The following UPF1 variants were observed in gnomAD, a reference collection of about 807,000 sequenced individuals.
The protein encoded by UPF1 is UPF1 RNA helicase and ATPase.
Under a neutral mutation model 129.2 loss-of-function variants are expected in UPF1, and 9 were observed. The ratio of observed to expected loss-of-function variants is 0.07; its 90% CI spans 0.04 to 0.12. The LOEUF (loss-of-function observed/expected upper bound fraction) is 0.12. Ranked by LOEUF, UPF1 falls within the 10% of genes least tolerant of loss-of-function variation. UPF1 has a pLI of 1.00. For synonymous variants in UPF1, 649 were observed against 644.9 expected (o/e 1.01, Z -0.10); for missense variants, 788 against 1,525.3 (o/e 0.52, Z 8.05).
In UPF1 at chr19:18,842,935, C is replaced by T. The variant is rs565182246; in HGVS notation, c.232-3045C>T. On this transcript the variant is annotated intron_variant, in intron 1 of 23. Coordinates refer to ENST00000262803, the MANE Select transcript of UPF1 (RefSeq NM_002911.4). ...CCGGGAGGCAGAGGTTGCGGTGAGC[C>T]GAGATCGCGCCATTGCACTCCAGCG... Among the ~76,000 whole-genome samples the T allele has an allele frequency of 4.0e-5, 6 of 151,646 alleles. No homozygotes were observed. In the South Asian group the frequency reaches 6.3e-4, roughly 16 times the overall value.
rs746514671 is a variant in UPF1 at position 18,855,958 on chromosome 19, C to T, written c.1578C>T (p.Ala526=). 3.0e-5 allele frequency: 49 copies of T among 1,613,768 alleles called. No homozygotes were observed. Among genetic ancestry groups the T allele is most frequent in the Admixed American group, 3.3e-5 (2 of 60,000 alleles). ...TGGTGTGTGCTCCGAGCAACATCGC[C>T]GTGGACCAGCTAACGGAGAAGATCC... is the stretch of plus-strand genomic sequence containing the variant. ...PVLVCAPSNI[A]VDQLTEKIHQ... is the part of the protein sequence containing the mutation. Residue 526 remains alanine (A), a synonymous_variant, in exon 12 of 24, where the codon GCC becomes GCT. Coordinates refer to ENST00000262803, the MANE Select transcript of UPF1 (RefSeq NM_002911.4).
intron 1 of UPF1, among the ~76,000 whole-genome samples, chr19:18,842,640 C>G (rs2055553213): frequency 6.6e-6 from 1 of 152,216 alleles, no homozygotes; most frequent in African/African-American, 2.4e-5. Context: ...AGTCATCACT[C>G]TGAGGGTGTG....
rs749375625 is a variant in UPF1, at chr19:18,857,443, C to T, written c.2092C>T (p.Leu698=). 1 of 1,613,812 alleles carries T rather than the reference C, an allele frequency of 6.2e-7. No individual in the cohort carries two copies. Among genetic ancestry groups the T allele is most frequent in the South Asian group, 1.1e-5 (1 of 91,090 alleles). Residue 698 remains leucine (L), a synonymous_variant, in exon 15 of 24, where the codon CTG becomes TTG. Coordinates refer to ENST00000262803, the MANE Select transcript of UPF1 (RefSeq NM_002911.4). ...GGTGCTGGGCATCCGGCCCATCCGCCTGCAGGTCCAGTACCGGATGCACCC... is the reference window on the plus strand; with the variant it reads ...GGTGCTGGGCATCCGGCCCATCCGCTTGCAGGTCCAGTACCGGATGCACCC... ...LVVLGIRPIR[L]QVQYRMHPAL...
intron 2 of UPF1, among the ~76,000 whole-genome samples, 174 bp from the exon 3 acceptor site, chr19:18,847,570 G>A (rs1289585957): frequency 3.9e-5 from 6 of 152,216 alleles, no homozygotes; most frequent in Non-Finnish European, 8.8e-5. Flanking sequence ...CTGCATTCTT[G>A]GATTTGAGAA....
Position 18,860,355 on chromosome 19 carries a change from G to T in UPF1, c.2217G>T (p.Trp739Cys). Residue 739 changes from tryptophan to cysteine, a missense_variant, in exon 16 of 24, where the codon TGG becomes TGT. Coordinates refer to ENST00000262803, the MANE Select transcript of UPF1 (RefSeq NM_002911.4). The part of the protein sequence containing the change: ...DRVKKGFDFQ[W>C]PQPDKPMFFY... ...TGAAGAAGGGATTTGACTTCCAGTGGCCCCAACCCGATAAACCGATGTTCT... is the reference window on the plus strand; with the variant it reads ...TGAAGAAGGGATTTGACTTCCAGTGTCCCCAACCCGATAAACCGATGTTCT... The T allele has an allele frequency of 6.2e-7, 1 of 1,614,144 alleles. No individual in the cohort carries two copies. The highest frequency in any genetic ancestry group is 8.5e-7 in the Non-Finnish European group (1 of 1,180,030).
At chr19:18,863,245 C>A (rs917468946) in intron 18 of UPF1, 193 bp from the exon 19 acceptor site, 5 of 662,758 alleles carry the variant, frequency 7.5e-6, no homozygotes, top group African/African-American at 1.8e-5. Flanking sequence ...ACAAAATCAA[C>A]CCGTGTGCAG....
chr19:18,863,147 T>C, intron 18 of UPF1: 1 of 331,710 alleles, frequency 3.0e-6, no homozygotes, highest in Non-Finnish European at 5.6e-6. Context: ...CCCCGGTGCC[T>C]GGAAGGCCGA....
chr19:18,864,299 G>A (rs772506770), intron 20 of UPF1, 48 bp downstream of exon 20: 1 of 1,534,978 alleles, frequency 6.5e-7, no homozygotes, highest in African/African-American at 1.4e-5. Flanking sequence ...CCTCACACCG[G>A]GATGCTGGCC....
chr19:18,860,910 C>T lies in UPF1; in HGVS notation c.2385C>T (p.Pro795=). The T allele has an allele frequency of 6.2e-7, 1 of 1,603,098 alleles. No individual in the cohort carries two copies. Among genetic ancestry groups the T allele is most frequent in the East Asian group, 2.3e-5 (1 of 44,216 alleles). The change falls in exon 17 of 24, where the codon CCC becomes CCT. Residue 795 remains proline, a synonymous_variant. Transcript: ENST00000262803. ...CGGACCAGATTGGCATCATCACGCCCTACGAGGGCCAGCGCTCCTACCTGG... is the reference window on the plus strand; with the variant it reads ...CGGACCAGATTGGCATCATCACGCCTTACGAGGGCCAGCGCTCCTACCTGG... The part of the protein sequence containing the change: ...AKPDQIGIIT[P]YEGQRSYLVQ...
rs1601116663 is a variant in UPF1 at position 18,854,809 on chromosome 19, T to C, written c.1266-70T>C. On this transcript the variant is annotated intron_variant, in intron 9 of 23. Transcript: ENST00000262803. ...TGTGGAGTGGGGTTCCCCACCCAGC[T>C]CTGCAAACTCAGGATGTCGGAGAGG... 9 of 1,607,474 alleles carry C rather than the reference T, an allele frequency of 5.6e-6. No individual in the cohort carries two copies. The East Asian group carries it at 1.3e-4, about 24-fold the overall frequency.
rs567129857 is a variant in UPF1 at position 18,851,882 on chromosome 19, C to T, written c.811-253C>T. Among the ~76,000 whole-genome samples, 3 of 152,348 alleles carry T rather than the reference C, an allele frequency of 2.0e-5. No homozygotes were observed. Among genetic ancestry groups the T allele is most frequent in the Admixed American group, 6.5e-5 (1 of 15,306 alleles). On this transcript the variant is annotated intron_variant, in intron 5 of 23. Coordinates refer to ENST00000262803, the MANE Select transcript of UPF1 (RefSeq NM_002911.4). This position sits in a 1 kb window ranked among gnomAD's most constrained non-coding sequence, Gnocchi z 4.2. ...CAGGTTCACCCAAGTACCGGAACCC[C>T]GCTGGGGTGCGGAGCAGCAGCTGAG...
chr19:18,862,253 A>G, intron 18 of UPF1, 101 bp downstream of exon 18: 1 of 1,515,078 alleles, frequency 6.6e-7, no homozygotes, highest in Non-Finnish European at 8.9e-7. Flanking sequence ...CAGAGGTCAG[A>G]GGACTCTGAG....
In UPF1 at chr19:18,868,121, G is replaced by A. The variant is rs2055880625; in HGVS notation, c.*1604G>A. 1 of 183,386 alleles carries A rather than the reference G, an allele frequency of 5.5e-6. No individual in the cohort carries two copies. Among genetic ancestry groups the A allele is most frequent in the Non-Finnish European group, 1.2e-5 (1 of 86,886 alleles). The allele number at this position is 183,386 out of a possible 1,614,324, so 11.4% of individuals were successfully genotyped here. A position where few individuals can be genotyped will look rare whatever the true frequency, so the allele number is the denominator to read the frequency against. ...CTGTGCTGTGTTCTCCAGCTTTGTA[G>A]CAGCAGCCTTGACAAACCCAGGCGC... On this transcript the variant is annotated 3_prime_UTR_variant, in exon 24 of 24. Transcript: ENST00000262803.
rs772286439 is a variant in UPF1 at position 18,864,160 on chromosome 19, AC to A, written c.2776-8del. ...GATGACAAATTCCTCACCTATCTAA[AC>A]CTTCGCAGGGAGCCCGCTTCATGAC... On this transcript the variant is annotated splice_polypyrimidine_tract_variant and intron_variant, in intron 19 of 23. Transcript: ENST00000262803. 7 of 1,613,018 alleles carry A rather than the reference AC, an allele frequency of 4.3e-6. No homozygotes were observed. Among genetic ancestry groups the A allele is most frequent in the Non-Finnish European group, 5.9e-6 (7 of 1,179,404 alleles).
At chr19:18,863,392 C>G in intron 18 of UPF1, 46 bp from the exon 19 acceptor site, 1 of 1,592,918 alleles carries the variant, frequency 6.3e-7, no homozygotes, top group Non-Finnish European at 8.6e-7. Flanking sequence ...TCCTGTGAGA[C>G]GGGCAGCTCT....
In UPF1 at chr19:18,854,707, C is replaced by T; in HGVS notation, c.1263C>T (p.Asp421=). The T allele has an allele frequency of 6.2e-7, 1 of 1,613,464 alleles. No homozygotes were observed. Among genetic ancestry groups the T allele is most frequent in the Non-Finnish European group, 8.5e-7 (1 of 1,179,854 alleles). The change falls in exon 9 of 24, where the codon GAC becomes GAT. Residue 421 remains aspartate (D), a splice_region_variant and synonymous_variant. Transcript: ENST00000262803. ...VDFVWKSTSF[D]RMQSALKTFA... is the part of the protein sequence containing the mutation. ...TTGTGTGGAAGTCGACCTCCTTTGA[C>T]AGGTACGTCTTCTCCCATCACTGCC...
At chr19:18,857,042 C>A (rs1306930749) in intron 14 of UPF1, 22 bp downstream of exon 14, 1 of 1,597,680 alleles carries the variant, frequency 6.3e-7, no homozygotes, top group African/African-American at 1.3e-5. Context: ...CCCCTGCCCT[C>A]CTGTGTGAAA....
At chr19:18,849,766 C>G in intron 3 of UPF1, 1 of 346,674 alleles carries the variant, frequency 2.9e-6, no homozygotes, top group South Asian at 2.6e-5. Context: ...CAGCCCTGGG[C>G]CAACAATGGG....
chr19:18,833,239 G>A (rs2055448333), intron 1 of UPF1: 1 of 152,236 alleles, frequency 6.6e-6, no homozygotes, highest in Admixed American at 6.5e-5. Flanking sequence ...TGCCTCCCAT[G>A]GAGGAGCACA....
Sources: allele counts gnomAD v4.1 joint callset (sites outside exome capture counted in the v4.1 genomes callset), GRCh38; gene constraint gnomAD v4.1.1; non-coding constraint Gnocchi (gnomAD v3.1); transcripts MANE v1.5; gene names NCBI Gene and HGNC (gene_info 2026-07-23, HGNC 2026-07-21).